Variants in MYLK observed in about 807,000 individuals in gnomAD.
MYLK encodes the protein myosin light chain kinase, also known as myosin light chain kinase, smooth muscle.
Under a neutral mutation model 203.4 loss-of-function variants are expected in MYLK, and 106 were observed. That is an observed-to-expected ratio of 0.52 (90% CI 0.45 to 0.61). The LOEUF is 0.61. Ranked by LOEUF, MYLK falls within the 20% of genes least tolerant of loss-of-function variation. MYLK has a pLI of 0.00. For missense variants in MYLK, 2,072 were observed against 2,442.3 expected, an observed-to-expected ratio of 0.85 and a Z score of 3.20; for synonymous variants, 867 against 959.5, an observed-to-expected ratio of 0.90 and a Z score of 1.78.
intron 4 of MYLK, among the ~76,000 whole-genome samples, chr3:123,784,603 T>C (rs528287685): frequency 6.6e-6 from 1 of 152,354 alleles, no homozygotes; most frequent in African/African-American, 2.4e-5. Flanking sequence ...CAGGATTTAC[T>C]TTCTGTACTG....
At chr3:123,615,631 G>C (rs577462810) in intron 33 of MYLK, among the ~76,000 whole-genome samples, 1 of 145,390 alleles carries the variant, frequency 6.9e-6, no homozygotes, top group African/African-American at 2.6e-5. Flanking sequence ...ACCTGTGCTC[G>C]GCCGAAAATA....
chr3:123,663,517 T>C (rs1210127526), intron 23 of MYLK, among the ~76,000 whole-genome samples: 1 of 151,952 alleles, frequency 6.6e-6, no homozygotes, highest in East Asian at 1.9e-4. Context: ...GAGAGAACAT[T>C]GCAGGAGTTA....
rs150247972 is a variant in MYLK, at chr3:123,748,846, G to A, written c.373+3485C>T. On this transcript the variant is annotated intron_variant, in intron 5 of 33. Transcript: ENST00000360304. ...AGCATTCTGGGAGGCTGAGGTAGGCGGATCACAAGGTCAGGAGTTCAAGAC... is the reference window on the plus strand; with the variant it reads ...AGCATTCTGGGAGGCTGAGGTAGGCAGATCACAAGGTCAGGAGTTCAAGAC... Among the ~76,000 whole-genome samples, 204 of 152,184 alleles carry A rather than the reference G, an allele frequency of 1.3e-3. 3 individuals are homozygous for A. Among genetic ancestry groups the A allele is most frequent in the African/African-American group, 4.7e-3 (194 of 41,524 alleles).
chr3:123,878,251 A>G (rs2033284055), intron 1 of MYLK, among the ~76,000 whole-genome samples: 1 of 152,220 alleles, frequency 6.6e-6, no homozygotes, highest in Non-Finnish European at 1.5e-5. Context: ...TCATCAGATG[A>G]GTAGAGAAGG....
chr3:123,866,150 C>T (rs1328774460), intron 2 of MYLK, among the ~76,000 whole-genome samples: 1 of 152,160 alleles, frequency 6.6e-6, no homozygotes, highest in Non-Finnish European at 1.5e-5. Flanking sequence ...AATTCCTGAC[C>T]CACAGAACCC....
At chr3:123,808,159 C>G (rs2109211876) in intron 3 of MYLK, among the ~76,000 whole-genome samples, 1 of 152,344 alleles carries the variant, frequency 6.6e-6, no homozygotes, top group African/African-American at 2.4e-5. Flanking sequence ...AGAGGGCTGT[C>G]TCTCTCCCTG....
chr3:123,782,307 C>T (rs182761977), intron 4 of MYLK, among the ~76,000 whole-genome samples: 35 of 152,290 alleles, frequency 2.3e-4, no homozygotes, highest in Non-Finnish European at 2.8e-4. Context: ...CTAGAAAAGG[C>T]TTCATAGAGG....
In MYLK at chr3:123,868,227, C is replaced by T. The variant is rs371852920; in HGVS notation, c.-127+8332G>A. On this transcript the variant is annotated intron_variant, in intron 2 of 33. Transcript: ENST00000360304. ...AAATGGGAACCATCCTTCTAAAGGG[C>T]TAGTTGGCAATATGGAACAAAGGCA... 5.5e-4 allele frequency among the ~76,000 whole-genome samples: 83 copies of T among 152,124 alleles called. 2 individuals carry two copies. The East Asian group carries it at 7.5e-3, about 14-fold the overall frequency.
At position 123,789,659 on chromosome 3, in the gene MYLK, CA is replaced by C. The variant is rs745766578; in HGVS notation, c.165+4017del. Among the ~76,000 whole-genome samples, 282 of 78,668 alleles carry C rather than the reference CA, an allele frequency of 3.6e-3. 1 individual carries two copies. Among genetic ancestry groups the C allele is most frequent in the Admixed American group, 7.9e-3 (55 of 6,974 alleles). 51.6% of individuals were successfully genotyped at this position (78,668 alleles called of 152,430 possible). The stretch of plus-strand genomic sequence containing the variant: ...CTCCTCAAGCTTTGGGCTGGCAAAG[CA>C]AAAAAAAAAAAAAAAAAAGAAGGAA... On this transcript the variant is annotated intron_variant, in intron 4 of 33. Transcript: ENST00000360304.
intron 31 of MYLK, chr3:123,624,385 T>C (rs1325387202): frequency 6.6e-6 from 1 of 151,380 alleles, no homozygotes; most frequent in Non-Finnish European, 1.5e-5. Flanking sequence ...AACTGAAAAA[T>C]TCCCTTTGCC....
chr3:123,831,851 A>G (rs939980646), intron 2 of MYLK, among the ~76,000 whole-genome samples, 181 bp from the exon 3 acceptor site: 9 of 152,208 alleles, frequency 5.9e-5, no homozygotes, highest in Non-Finnish European at 1.0e-4. Flanking sequence ...TTTAGAGTTC[A>G]GGAACAATAG....
At chr3:123,743,872 T>C (rs998061492) in intron 5 of MYLK, among the ~76,000 whole-genome samples, 1 of 152,194 alleles carries the variant, frequency 6.6e-6, no homozygotes, top group African/African-American at 2.4e-5. Flanking sequence ...TGTGCGGTGA[T>C]ATAATTTATC....
chr3:123,626,952 C>T lies in MYLK; in HGVS notation c.5115-11G>A. ...CAGTCCAGGCGGTTTCTGACAGAGG[C>T]AGAGATCAGGAGATTTTTGAGCAGG... On this transcript the variant is annotated splice_polypyrimidine_tract_variant and intron_variant, in intron 30 of 33. Transcript: ENST00000360304. 9 of 1,614,088 alleles carry T rather than the reference C, an allele frequency of 5.6e-6. No individual in the cohort carries two copies. The highest frequency in any genetic ancestry group is 7.6e-6 in the Non-Finnish European group (9 of 1,180,008).
chr3:123,821,333 G>A (rs1323858089), intron 3 of MYLK, among the ~76,000 whole-genome samples: 1 of 152,192 alleles, frequency 6.6e-6, no homozygotes, highest in Non-Finnish European at 1.5e-5. Flanking sequence ...GTTACTTGCA[G>A]AGCTGTAGCA....
At chr3:123,754,364 C>T (rs1197393361) in intron 4 of MYLK, among the ~76,000 whole-genome samples, 1 of 152,206 alleles carries the variant, frequency 6.6e-6, no homozygotes, top group Non-Finnish European at 1.5e-5. Context: ...AAAGAAACAA[C>T]AATAAAACTC....
chr3:123,689,019 C>A (rs530010070), intron 19 of MYLK, among the ~76,000 whole-genome samples: 115 of 152,330 alleles, frequency 7.5e-4, no homozygotes, highest in Admixed American at 5.8e-3. Context: ...AAAACCAGCT[C>A]CTATGGCAGT....
At chr3:123,676,109 G>C (rs2060064797) in intron 20 of MYLK, among the ~76,000 whole-genome samples, 4 of 152,236 alleles carry the variant, frequency 2.6e-5, no homozygotes, top group Admixed American at 2.6e-4. Context: ...ATTGCTTGGT[G>C]GGTACCTTCC....
At chr3:123,686,700 C>T (rs945439110) in intron 19 of MYLK, among the ~76,000 whole-genome samples, 3 of 152,116 alleles carry the variant, frequency 2.0e-5, no homozygotes, top group Admixed American at 6.5e-5. Context: ...CAAGGAAAAC[C>T]GAAATAACAT....
At chr3:123,857,843 T>C (rs1458277888) in intron 2 of MYLK, among the ~76,000 whole-genome samples, 1 of 152,100 alleles carries the variant, frequency 6.6e-6, no homozygotes, top group Non-Finnish European at 1.5e-5. Flanking sequence ...TTGTGTGTCA[T>C]GGGCTATGGC....
Sources: gnomAD v4.1 joint callset for allele counts (sites outside exome capture counted in the v4.1 genomes callset) on GRCh38, gnomAD v4.1.1 for gene constraint, MANE v1.5 for transcripts, NCBI Gene and HGNC (gene_info 2026-07-23, HGNC 2026-07-21) for gene names.